PHTF2: variants seen among roughly 807,000 people sequenced by gnomAD.
The protein encoded by PHTF2 is putative homeodomain transcription factor 2.
A neutral mutation model predicts 101.2 loss-of-function variants in PHTF2; 60 were observed. The ratio of observed to expected loss-of-function variants is 0.59; its 90% CI spans 0.48 to 0.73. The LOEUF is 0.73. PHTF2 is among the 30% of genes least tolerant of loss of function. PHTF2 has a pLI of 0.00. For synonymous variants in PHTF2, 311 were observed against 307.3 expected (o/e 1.01, Z -0.13); for missense variants, 747 against 908.7 (o/e 0.82, Z 2.29).
intron 1 of PHTF2, among the ~76,000 whole-genome samples, chr7:77,809,167 A>G (rs537677036): frequency 1.3e-5 from 2 of 150,446 alleles, no homozygotes; most frequent in Non-Finnish European, 3.0e-5. Flanking sequence ...GTAGGCATGT[A>G]TGATGAGTTA....
intron 3 of PHTF2, among the ~76,000 whole-genome samples, chr7:77,885,102 GA>G (rs1324216109): frequency 1.3e-5 from 2 of 152,156 alleles, no homozygotes; most frequent in African/African-American, 4.8e-5. Context: ...TTGTTTTAAA[GA>G]GGTTATCTCG....
intron 3 of PHTF2, among the ~76,000 whole-genome samples, chr7:77,873,321 G>T (rs1798672302): frequency 6.6e-6 from 1 of 152,152 alleles, no homozygotes; most frequent in South Asian, 2.1e-4. Flanking sequence ...CCAACTCTGT[G>T]TTCCTTCCGC....
intron 12 of PHTF2, 55 bp from the exon 12 acceptor site, chr7:77,937,655 C>G (rs913188652): frequency 1.1e-5 from 7 of 633,536 alleles, no homozygotes; most frequent in African/African-American, 1.9e-5. Context: ...TATATACACA[C>G]ATTTTATTTA....
At chr7:77,889,201 G>A (rs928478100) in intron 3 of PHTF2, among the ~76,000 whole-genome samples, 2 of 152,100 alleles carry the variant, frequency 1.3e-5, no homozygotes, top group Non-Finnish European at 2.9e-5. Context: ...TTCATTCAGG[G>A]AAGAGCTTGA....
chr7:77,873,246 C>T (rs778347665), intron 3 of PHTF2, among the ~76,000 whole-genome samples: 57 of 152,082 alleles, frequency 3.7e-4, no homozygotes, highest in African/African-American at 4.8e-5. Flanking sequence ...TTTTAACTCC[C>T]GGAGCTGCAG....
At chr7:77,946,255 A>T (rs1806041752) in intron 16 of PHTF2, among the ~76,000 whole-genome samples, 1 of 152,242 alleles carries the variant, frequency 6.6e-6, no homozygotes, top group South Asian at 2.1e-4. Context: ...GTGGGCATTC[A>T]TGATACAAGG....
At chr7:77,872,707 A>C (rs1798618013) in intron 3 of PHTF2, among the ~76,000 whole-genome samples, 1 of 152,170 alleles carries the variant, frequency 6.6e-6, no homozygotes, top group Non-Finnish European at 1.5e-5. Context: ...TGCTGCCCTC[A>C]CAAATCTAGT....
At chr7:77,802,432 C>G (rs1792632912) in intron 1 of PHTF2, among the ~76,000 whole-genome samples, 1 of 152,114 alleles carries the variant, frequency 6.6e-6, no homozygotes, top group Non-Finnish European at 1.5e-5. Context: ...GGTTGCCATC[C>G]CTTAACCCCT....
At chr7:77,888,235 C>T (rs1432380410) in intron 3 of PHTF2, among the ~76,000 whole-genome samples, 2 of 152,284 alleles carry the variant, frequency 1.3e-5, no homozygotes, top group African/African-American at 2.4e-5. Flanking sequence ...CTGCCTCAGC[C>T]TCCCAAGTAG....
intron 3 of PHTF2, among the ~76,000 whole-genome samples, chr7:77,891,726 A>G (rs943339354): frequency 1.3e-5 from 2 of 152,006 alleles, no homozygotes; most frequent in South Asian, 2.1e-4. Context: ...AGCTAGGACT[A>G]CAAGCATGTG....
intron 5 of PHTF2, among the ~76,000 whole-genome samples, chr7:77,897,072 G>C (rs1038597986): frequency 6.6e-6 from 1 of 151,938 alleles, no homozygotes; most frequent in African/African-American, 2.4e-5. Context: ...AAATTTGGAA[G>C]TTTTTCCTGT....
chr7:77,890,180 A>C (rs762073395), intron 3 of PHTF2, among the ~76,000 whole-genome samples: 1 of 152,020 alleles, frequency 6.6e-6, no homozygotes, highest in Non-Finnish European at 1.5e-5. Context: ...TTAGGATTGC[A>C]TTCTGCTATT....
intron 12 of PHTF2, among the ~76,000 whole-genome samples, chr7:77,932,613 AGAGAGAGAGTGTGTGT>A (rs1364264311): frequency 2.7e-5 from 3 of 111,682 alleles, no homozygotes; most frequent in African/African-American, 1.1e-4. Flanking sequence ...AGAGAGAGAG[AGAGAGAGAGTGTGTGT>A]GTGTGTGTGT....
intron 1 of PHTF2, among the ~76,000 whole-genome samples, chr7:77,815,596 C>T (rs1410305846): frequency 6.6e-6 from 1 of 152,204 alleles, no homozygotes; most frequent in Non-Finnish European, 1.5e-5. Context: ...CAAACAGGTT[C>T]AGCTCTTTCA....
intron 11 of PHTF2, among the ~76,000 whole-genome samples, chr7:77,927,177 A>AAAAAAAG (rs1554388762): frequency 1.3e-5 from 1 of 78,160 alleles, no homozygotes; most frequent in Non-Finnish European, 2.4e-5. Context: ...AAAAAAAAAA[A>AAAAAAAG]ATATATATAT....
chr7:77,889,566 GGTA>G (rs1394456288), intron 3 of PHTF2, among the ~76,000 whole-genome samples: 1 of 150,136 alleles, frequency 6.7e-6, no homozygotes, highest in African/African-American at 2.5e-5. Context: ...TGTTCATTCT[GGTA>G]GTATTTTCTT....
At chr7:77,803,499 TG>T (rs1387899866) in intron 1 of PHTF2, among the ~76,000 whole-genome samples, 1 of 152,256 alleles carries the variant, frequency 6.6e-6, no homozygotes. Flanking sequence ...CATCACTGGT[TG>T]TGTGACATTG....
chr7:77,843,643 A>G (rs1796055845), intron 2 of PHTF2, among the ~76,000 whole-genome samples: 1 of 152,244 alleles, frequency 6.6e-6, no homozygotes, highest in Non-Finnish European at 1.5e-5. Context: ...CTTACTGATT[A>G]TTTAACCACA....
intron 9 of PHTF2, among the ~76,000 whole-genome samples, chr7:77,912,067 C>G (rs1239624798): frequency 6.6e-6 from 1 of 152,092 alleles, no homozygotes; most frequent in Non-Finnish European, 1.5e-5. Context: ...TTCAGAGTCC[C>G]CCTAAAACTA....
Sources: gnomAD v4.1 joint callset for allele counts (sites outside exome capture counted in the v4.1 genomes callset) on GRCh38, gnomAD v4.1.1 for gene constraint, MANE v1.5 for transcripts, NCBI Gene and HGNC (gene_info 2026-07-23, HGNC 2026-07-21) for gene names.